PI4KA: variants seen among roughly 807,000 people sequenced by gnomAD.
PI4KA encodes phosphatidylinositol 4-kinase alpha, also known as PI4-kinase alpha.
PI4KA carries 122 observed loss-of-function variants against 271.4 expected under a neutral mutation model. The ratio of observed to expected loss-of-function variants is 0.45; its 90% CI spans 0.39 to 0.52. The LOEUF (loss-of-function observed/expected upper bound fraction) is 0.52, where lower values mean the gene tolerates loss of function less well. PI4KA is among the 20% of genes least tolerant of loss of function. PI4KA has a pLI of 0.00. For missense variants in PI4KA, 1,969 were observed against 2,769.1 expected, an observed-to-expected ratio of 0.71 and a Z score of 6.48; for synonymous variants, 1,041 against 1,078.8, an observed-to-expected ratio of 0.96 and a Z score of 0.69.
chr22:20,798,731 A>G, intron 16 of PI4KA, 44 bp from the exon 17 acceptor site: 1 of 1,258,656 alleles, frequency 7.9e-7, no homozygotes, highest in Non-Finnish European at 1.2e-6. Flanking sequence ...GGATGCCCTC[A>G]TGAGGCCCCT....
chr22:20,727,993 C>CT, intron 39 of PI4KA, 129 bp from the exon 40 acceptor site: 1 of 601,380 alleles, frequency 1.7e-6, no homozygotes, highest in South Asian at 2.3e-5. Flanking sequence ...CAAGTGACGG[C>CT]TTGGGTACAA....
chr22:20,781,992 T>C (rs1204204238), intron 19 of PI4KA, among the ~76,000 whole-genome samples: 1 of 152,230 alleles, frequency 6.6e-6, no homozygotes, highest in Non-Finnish European at 1.5e-5. Flanking sequence ...GGAATGAAAC[T>C]GTAGATTACA....
At chr22:20,730,239 A>G (rs572778306) in intron 36 of PI4KA, among the ~76,000 whole-genome samples, 21 of 151,816 alleles carry the variant, frequency 1.4e-4, no homozygotes, top group Non-Finnish European at 2.9e-4. Context: ...CATTTTTATT[A>G]TATTTCTTTT....
At chr22:20,738,170 C>T (rs987503344) in intron 32 of PI4KA, among the ~76,000 whole-genome samples, 1 of 151,884 alleles carries the variant, frequency 6.6e-6, no homozygotes, top group Non-Finnish European at 1.5e-5. Flanking sequence ...GGCACCTGGG[C>T]CCACACAGGA....
chr22:20,757,928 T>TG (rs573935550), intron 23 of PI4KA, among the ~76,000 whole-genome samples: 1 of 152,286 alleles, frequency 6.6e-6, no homozygotes, highest in African/African-American at 2.4e-5. Context: ...CAGTTTCAAT[T>TG]TTGTTGTTGC....
chr22:20,744,478 C>T, intron 30 of PI4KA, 150 bp downstream of exon 30: 1 of 581,208 alleles, frequency 1.7e-6, no homozygotes. Flanking sequence ...TGCCAAGAAT[C>T]CTCCTAAAAT....
chr22:20,818,594 A>C (rs745797429), intron 6 of PI4KA, 45 bp from the exon 7 acceptor site: 1 of 1,415,090 alleles, frequency 7.1e-7, no homozygotes, highest in South Asian at 1.4e-5. Context: ...GACCAGTGAG[A>C]CCTCCATCAG....
rs148548165 is a variant in PI4KA, at chr22:20,761,246, G to A, written c.2791+58C>T. The A allele has an allele frequency of 4.9e-5, 45 of 919,050 alleles. No individual in the cohort carries two copies. The East Asian group carries it at 1.0e-3, about 21-fold the overall frequency. 56.9% of individuals were successfully genotyped at this position (919,050 alleles called of 1,614,324 possible). ...GTAGACAGAAAAGAGGAAGTAGTAC[G>A]CCTTTTTACCCTATTAAAGCTCAAT... On this transcript the variant is annotated intron_variant, in intron 23 of 54. Transcript: ENST00000255882.
intron 19 of PI4KA, chr22:20,779,114 A>T (rs1025187062): frequency 1.4e-6 from 2 of 1,403,098 alleles, no homozygotes; most frequent in African/African-American, 2.9e-5. Context: ...TGAGTCCCAC[A>T]TCAAAGGTTG....
At chr22:20,719,950 T>C (rs1258871525) in intron 43 of PI4KA, among the ~76,000 whole-genome samples, 3 of 132,820 alleles carry the variant, frequency 2.3e-5, no homozygotes, top group Admixed American at 1.9e-4. Context: ...GGCGTGAACC[T>C]GGGAGGCGGA....
chr22:20,799,343 C>G, intron 15 of PI4KA, 67 bp from the exon 16 acceptor site: 1 of 1,364,394 alleles, frequency 7.3e-7, no homozygotes, highest in Non-Finnish European at 9.9e-7. Context: ...AAACAGTACC[C>G]AGAGACTACG....
rs1177452792 is a variant in PI4KA at position 20,744,641 on chromosome 22, C to T, written c.3443G>A (p.Arg1148His). 9.9e-6 allele frequency: 16 copies of T among 1,613,674 alleles called. No homozygotes were observed. The highest frequency in any genetic ancestry group is 1.7e-5 in the Admixed American group (1 of 60,016). ...NFMASLNLRN[R>H]YAGEVYGMIR... is the part of the protein sequence containing the mutation. Reference sequence around the variant, plus strand: ...CAAGAGAAGCACCTCGCCCGCGTAGCGGTTGCGCAGATTCAGGGATGCCAT... The same window carrying T: ...CAAGAGAAGCACCTCGCCCGCGTAGTGGTTGCGCAGATTCAGGGATGCCAT... Residue 1148 changes from arginine (R) to histidine (H), a missense_variant, in exon 30 of 55, where the codon CGC becomes CAC. Physicochemically the swap from Arg to His is conservative, Grantham distance 29 (BLOSUM62 0). Transcript: ENST00000255882.
chr22:20,830,934 G>A (rs1480687217), intron 3 of PI4KA, among the ~76,000 whole-genome samples: 1 of 152,088 alleles, frequency 6.6e-6, no homozygotes, highest in Admixed American at 6.6e-5. Context: ...ACCATGCTCA[G>A]CTAATTTTTT....
At chr22:20,823,548 G>C (rs1922986550) in intron 4 of PI4KA, among the ~76,000 whole-genome samples, 1 of 152,160 alleles carries the variant, frequency 6.6e-6, no homozygotes, top group East Asian at 1.9e-4. Context: ...TTAAAGAACA[G>C]GAAAGTATGA....
rs544915376 is a variant in PI4KA, at chr22:20,749,848, G to A, written c.3243+57C>T. The A allele has an allele frequency of 2.5e-5, 26 of 1,050,708 alleles. No homozygotes were observed. In the East Asian group the frequency reaches 2.8e-4, roughly 11 times the overall value. The allele number at this position is 1,050,708 out of a possible 1,614,324, so 65.1% of individuals were successfully genotyped here. On this transcript the variant is annotated intron_variant, in intron 28 of 54. Coordinates refer to ENST00000255882, the MANE Select transcript of PI4KA (RefSeq NM_058004.4). ...TTTGAGTTCTTCATGTCTCTGTAAA[G>A]CTTTTTTGGGAGTTTGAAGGAGCTT...
At chr22:20,818,759 C>T (rs994439090) in intron 6 of PI4KA, among the ~76,000 whole-genome samples, 4 of 152,324 alleles carry the variant, frequency 2.6e-5, no homozygotes, top group Non-Finnish European at 5.9e-5. Context: ...ATATTTGACA[C>T]TTGATTACTG....
rs1046847926 is a variant in PI4KA, at chr22:20,712,876, A to G, written c.5572-79T>C. ...AGCTCTTCTGGCTCATGCAGGGCAA[A>G]AGCCAAGCACCCAGAGATGGAGTGA... On this transcript the variant is annotated intron_variant, in intron 48 of 54. Transcript: ENST00000255882. 78 of 1,549,186 alleles carry G rather than the reference A, an allele frequency of 5.0e-5. No individual in the cohort carries two copies. The African/African-American group carries it at 8.8e-4, about 17-fold the overall frequency.
chr22:20,753,098 G>A lies in PI4KA; in HGVS notation c.2862+12C>T, dbSNP rs1210303148. The A allele has an allele frequency of 1.9e-6, 3 of 1,614,062 alleles. No homozygotes were observed. The highest frequency in any genetic ancestry group is 1.6e-4 in the Middle Eastern group (1 of 6,072). ...CAGCAGACAGACACGCATTCATGCTGGAGAGGCTTACTTTATCCGCCATCA... is the reference window on the plus strand; with the variant it reads ...CAGCAGACAGACACGCATTCATGCTAGAGAGGCTTACTTTATCCGCCATCA... On this transcript the variant is annotated intron_variant, in intron 24 of 54. Coordinates refer to ENST00000255882, the MANE Select transcript of PI4KA (RefSeq NM_058004.4).
In PI4KA at chr22:20,726,466, G is replaced by A. The variant is rs780683047; in HGVS notation, c.4995+22C>T. 6.5e-6 allele frequency: 10 copies of A among 1,540,742 alleles called. No individual in the cohort carries two copies. In the East Asian group the frequency reaches 7.6e-5, roughly 12 times the overall value. Reference sequence around the variant, plus strand: ...AACACACTCTGTGAGTGAAGAGGACGGCCATGCAGGTGCAGGCTTACCTTG... The same window carrying A: ...AACACACTCTGTGAGTGAAGAGGACAGCCATGCAGGTGCAGGCTTACCTTG... On this transcript the variant is annotated intron_variant, in intron 42 of 54. Coordinates refer to ENST00000255882, the MANE Select transcript of PI4KA (RefSeq NM_058004.4).
Sources: gnomAD v4.1 joint callset for allele counts (sites outside exome capture counted in the v4.1 genomes callset) on GRCh38, gnomAD v4.1.1 for gene constraint, MANE v1.5 for transcripts, NCBI Gene and HGNC (gene_info 2026-07-23, HGNC 2026-07-21) for gene names.